CAST: variants seen among roughly 807,000 people sequenced by gnomAD.
The protein encoded by CAST is calpastatin.
A neutral mutation model predicts 119.6 loss-of-function variants in CAST; 76 were observed. That is an observed-to-expected ratio of 0.64 (90% confidence interval 0.53 to 0.77). The LOEUF is 0.77. CAST is among the 30% of genes least tolerant of loss of function. The pLI is 0.00. For synonymous variants in CAST, 319 were observed against 331.6 expected (o/e 0.96, Z 0.41); for missense variants, 953 against 946.5 (o/e 1.01, Z -0.09).
chr5:96,101,471 G>A, the CAST span, among the ~76,000 whole-genome samples: 1 of 152,102 alleles, frequency 6.6e-6, no homozygotes, highest in Non-Finnish European at 1.5e-5. Context: ...CAAATTTTAC[G>A]TATGTTACCT....
chr5:96,604,641 T>A (rs773687583), intron 1 of CAST, among the ~76,000 whole-genome samples: 6 of 152,152 alleles, frequency 3.9e-5, no homozygotes, highest in Non-Finnish European at 5.9e-5. Flanking sequence ...TAAAGGAATA[T>A]GGAATGATTG....
At chr5:96,476,927 CAAAA>C in the CAST span, among the ~76,000 whole-genome samples, 2 of 132,140 alleles carry the variant, frequency 1.5e-5, no homozygotes, top group Admixed American at 7.7e-5. Flanking sequence ...ATGTGGATGG[CAAAA>C]AAAAAAAAAA....
intron 3 of CAST, among the ~76,000 whole-genome samples, chr5:96,716,806 C>T (rs28094): frequency 0.98 from 149,957 of 152,298 alleles, 73,831 homozygotes; most frequent in East Asian, 1. Flanking sequence ...ATTTGTTTTG[C>T]GGTTTGCCTA....
At chr5:96,121,228 G>A in the CAST span, among the ~76,000 whole-genome samples, 3 of 152,154 alleles carry the variant, frequency 2.0e-5, no homozygotes, top group Non-Finnish European at 4.4e-5. Flanking sequence ...ACATTAATTT[G>A]TTGAATAAAT....
At chr5:96,560,418 C>A (rs1746333157) in intron 1 of CAST, among the ~76,000 whole-genome samples, 1 of 151,412 alleles carries the variant, frequency 6.6e-6, no homozygotes. Flanking sequence ...AGTGAACAGG[C>A]AACCTACAAA....
At chr5:96,366,169 G>C in the CAST span, among the ~76,000 whole-genome samples, 1 of 152,176 alleles carries the variant, frequency 6.6e-6, no homozygotes, top group African/African-American at 2.4e-5. Context: ...ACCCTCTTCT[G>C]TCTTGTAGAG....
chr5:96,767,664 T>C (rs1339696218), intron 28 of CAST, among the ~76,000 whole-genome samples, 182 bp downstream of exon 28: 3 of 152,268 alleles, frequency 2.0e-5, no homozygotes, highest in African/African-American at 4.8e-5. Context: ...AAAAGCCCTT[T>C]AGGGTGGAAA....
intron 3 of CAST, among the ~76,000 whole-genome samples, chr5:96,698,665 G>C (rs1403828354): frequency 6.6e-6 from 1 of 152,136 alleles, no homozygotes; most frequent in East Asian, 1.9e-4. Context: ...GAAAAGCTGG[G>C]GGTAATAGCA....
the CAST span, among the ~76,000 whole-genome samples, chr5:96,366,831 CA>C: frequency 2.0e-5 from 3 of 152,210 alleles, no homozygotes; most frequent in Non-Finnish European, 4.4e-5. Flanking sequence ...CTCAACATGT[CA>C]AAGTCATTCT....
At chr5:96,408,151 G>GA in the CAST span, 125 of 1,103,044 alleles carry the variant, frequency 1.1e-4, no homozygotes, top group African/African-American at 3.9e-4. Flanking sequence ...CATGTATTCA[G>GA]AAAAAAAAGT....
chr5:96,187,172 A>G, the CAST span, among the ~76,000 whole-genome samples: 1 of 151,822 alleles, frequency 6.6e-6, no homozygotes, highest in Non-Finnish European at 1.5e-5. Context: ...AGTTGTTTGT[A>G]TTTCTGTGGG....
chr5:96,586,673 C>A (rs1369943065), intron 1 of CAST, among the ~76,000 whole-genome samples: 1 of 152,194 alleles, frequency 6.6e-6, no homozygotes, highest in Non-Finnish European at 1.5e-5. Context: ...CCAAAGGCAG[C>A]CACATCGGTG....
chr5:96,261,728 A>G, the CAST span, among the ~76,000 whole-genome samples: 2 of 152,192 alleles, frequency 1.3e-5, no homozygotes, highest in Non-Finnish European at 2.9e-5. Flanking sequence ...AAATGTTGCT[A>G]GTGGAACAAA....
At chr5:96,506,800 G>C in the CAST span, among the ~76,000 whole-genome samples, 1 of 152,184 alleles carries the variant, frequency 6.6e-6, no homozygotes, top group Non-Finnish European at 1.5e-5. Context: ...AACAAGGCTG[G>C]CCAGGGGGCC....
At chr5:96,317,328 T>A in the CAST span, among the ~76,000 whole-genome samples, 2,749 of 124,240 alleles carry the variant, frequency 0.022, 89 homozygotes, top group African/African-American at 0.083. Flanking sequence ...AAAAAAAAAA[T>A]TAGCTGGGCA....
At chr5:96,469,879 A>AATATATATATATATTAT in the CAST span, among the ~76,000 whole-genome samples, 690 of 107,266 alleles carry the variant, frequency 6.4e-3, 7 homozygotes, top group Non-Finnish European at 9.8e-3. Flanking sequence ...ATATATATAT[A>AATATATATATATATTAT]ATATATATAT....
the CAST span, among the ~76,000 whole-genome samples, chr5:96,016,829 GTT>G: frequency 3.2e-3 from 310 of 97,666 alleles, no homozygotes; most frequent in African/African-American, 0.012. Flanking sequence ...GGTTATCTGG[GTT>G]TTTTTTTTTT....
chr5:96,464,792 C>T, the CAST span, among the ~76,000 whole-genome samples: 1 of 152,026 alleles, frequency 6.6e-6, no homozygotes, highest in Non-Finnish European at 1.5e-5. Flanking sequence ...TTAAATAGCT[C>T]AAGAAATACA....
At chr5:96,331,380 A>G in the CAST span, among the ~76,000 whole-genome samples, 1 of 152,246 alleles carries the variant, frequency 6.6e-6, no homozygotes, top group Non-Finnish European at 1.5e-5. Flanking sequence ...AGTATGTGGC[A>G]TCCCCCACTT....
Sources: allele counts gnomAD v4.1 joint callset (sites outside exome capture counted in the v4.1 genomes callset), GRCh38; gene constraint gnomAD v4.1.1; transcripts MANE v1.5; gene names NCBI Gene and HGNC (gene_info 2026-07-23, HGNC 2026-07-21).